The following STK38 variants were observed in gnomAD, a reference collection of about 807,000 sequenced individuals.
STK38 encodes the protein serine/threonine-protein kinase 38.
Under a neutral mutation model 59.0 loss-of-function variants are expected in STK38, and 26 were observed. The ratio of observed to expected loss-of-function variants is 0.44; its 90% CI spans 0.32 to 0.61. STK38 has a LOEUF of 0.61. Among genes scored for constraint, STK38 ranks in the 20% least tolerant of loss-of-function variants. STK38 has a pLI of 0.04. For missense variants in STK38, 433 were observed against 566.0 expected (o/e 0.76, Z 2.38); for synonymous variants, 175 against 176.6 (o/e 0.99, Z 0.07).
chr6:36,517,790 C>A lies in STK38; in HGVS notation c.441G>T (p.Leu147Phe), dbSNP rs1218236186. Reference protein sequence around the residue: ...ERDILVEADSLWVVKMFYSFQ... With the variant: ...ERDILVEADSFWVVKMFYSFQ... ...AACTATAGAACATTTTCACAACCCA[C>A]AAACTGTCTGCCTCCACTAGAATGT... The change falls in exon 6 of 14, where the codon TTG becomes TTT. Residue 147 changes from leucine (L) to phenylalanine (F), a missense_variant. By Grantham distance (22) the Leu-to-Phe change is conservative. Around this residue, in one of 3 missense-constraint regions of STK38, gnomAD observed 293 missense variants for 388.2 expected, o/e 0.75. Transcript: ENST00000229812. 2 of 1,614,180 alleles carry A rather than the reference C, an allele frequency of 1.2e-6. No individual in the cohort carries two copies. Among genetic ancestry groups the A allele is most frequent in the Non-Finnish European group, 1.7e-6 (2 of 1,180,020 alleles).
In STK38 at chr6:36,532,398, A is replaced by T. The variant is rs77032659; in HGVS notation, c.132-6756T>A. Reference sequence around the variant, plus strand: ...AGGTAACTCTTGTCAATCACTTTTTAAAAAATTTTCTAGGAACAATAAAGC... The same window carrying T: ...AGGTAACTCTTGTCAATCACTTTTTTAAAAATTTTCTAGGAACAATAAAGC... On this transcript the variant is annotated intron_variant, in intron 2 of 13. Transcript: ENST00000229812. Among the ~76,000 whole-genome samples, 1,012 of 152,142 alleles carry T rather than the reference A, an allele frequency of 6.7e-3. 9 individuals are homozygous for T. The highest frequency in any genetic ancestry group is 0.021 in the African/African-American group (890 of 41,500).
In STK38 at chr6:36,527,207, A is replaced by AAAT. The variant is rs60162863; in HGVS notation, c.132-1566_132-1565insATT. On this transcript the variant is annotated intron_variant, in intron 2 of 13. Transcript: ENST00000229812. ...ACTCCGTCTCAAAAAAAAAAAAAAA[A>AAAT]ATATATGTATATATATATATATTTA... 6.1e-3 allele frequency among the ~76,000 whole-genome samples: 730 copies of AAAT among 119,308 alleles called. 16 individuals carry two copies. Among genetic ancestry groups the AAAT allele is most frequent in the Non-Finnish European group, 6.8e-3 (420 of 61,882 alleles). 78.3% of individuals were successfully genotyped at this position (119,308 alleles called of 152,430 possible).
intron 7 of STK38, among the ~76,000 whole-genome samples, 200 bp downstream of exon 7, chr6:36,515,138 A>G (rs1777218205): frequency 6.6e-6 from 1 of 152,104 alleles, no homozygotes; most frequent in South Asian, 2.1e-4. Flanking sequence ...TTTTAAGAGA[A>G]ATGTTCAACC....
chr6:36,519,609 C>T (rs903442333), intron 5 of STK38, among the ~76,000 whole-genome samples: 7 of 152,110 alleles, frequency 4.6e-5, no homozygotes, highest in Admixed American at 2.6e-4. Context: ...AGCAAGAAAC[C>T]TCATGGTTTG....
chr6:36,497,938 CTTT>C (rs147832342), intron 11 of STK38, 63 bp from the exon 12 acceptor site: 46,591 of 642,152 alleles, frequency 0.073, 518 homozygotes, highest in Admixed American at 0.2. Context: ...GAAAAACTTT[CTTT>C]TTTTTTTTTT....
At chr6:36,539,125 C>T (rs1379265067) in intron 2 of STK38, among the ~76,000 whole-genome samples, 3 of 151,518 alleles carry the variant, frequency 2.0e-5, no homozygotes, top group African/African-American at 7.3e-5. Context: ...GTGGCTCATG[C>T]CTGTAATCCC....
chr6:36,522,687 G>A (rs939646932), intron 4 of STK38, among the ~76,000 whole-genome samples: 4 of 151,406 alleles, frequency 2.6e-5, no homozygotes, highest in Admixed American at 6.6e-5. Flanking sequence ...GTGAAACCCC[G>A]TCTACTAAAA....
intron 7 of STK38, among the ~76,000 whole-genome samples, chr6:36,508,747 T>C (rs530418022): frequency 6.6e-6 from 1 of 152,326 alleles, no homozygotes; most frequent in African/African-American, 2.4e-5. Context: ...TGGCAAGGCG[T>C]GTGTGAGTGA....
At chr6:36,536,079 G>A (rs1011793882) in intron 2 of STK38, among the ~76,000 whole-genome samples, 2 of 152,260 alleles carry the variant, frequency 1.3e-5, no homozygotes, top group African/African-American at 2.4e-5. Context: ...AGGTGAGACT[G>A]GCTAAGGACA....
chr6:36,539,301 G>A lies in STK38; in HGVS notation c.131+771C>T, dbSNP rs775484352. 1.9e-4 allele frequency among the ~76,000 whole-genome samples: 28 copies of A among 151,078 alleles called. No homozygotes were observed. The South Asian group carries it at 2.1e-3, about 11-fold the overall frequency. ...CTGAGGAGGCTGAGGCACGAGAACCGCTTGAACCCAGGAGGCAGAGGCTGC... is the reference window on the plus strand; with the variant it reads ...CTGAGGAGGCTGAGGCACGAGAACCACTTGAACCCAGGAGGCAGAGGCTGC... On this transcript the variant is annotated intron_variant, in intron 2 of 13. Transcript: ENST00000229812.
In STK38 at chr6:36,514,077, C is replaced by T. The variant is rs530345848; in HGVS notation, c.669+1261G>A. Among the ~76,000 whole-genome samples, 301 of 151,188 alleles carry T rather than the reference C, an allele frequency of 2.0e-3. 1 individual carries two copies. Among genetic ancestry groups the T allele is most frequent in the African/African-American group, 6.9e-3 (285 of 41,168 alleles). On this transcript the variant is annotated intron_variant, in intron 7 of 13. Coordinates refer to ENST00000229812, the MANE Select transcript of STK38 (RefSeq NM_007271.4). ...GGCTGAGGCAGGAGAATGGTGTGAA[C>T]CCGGGAGGCAGAGCTTGCAGTGAGC...
rs139134925 is a variant in STK38 at position 36,543,729 on chromosome 6, C to T, written c.-6+3461G>A. ...CAATCTCGGTGCACTGCAACCTCCG[C>T]CTCCTGGGTTCAAGCGATTCTCCTG... On this transcript the variant is annotated intron_variant, in intron 1 of 13. Transcript: ENST00000229812. Among the ~76,000 whole-genome samples the T allele has an allele frequency of 5.8e-3, 878 of 152,216 alleles. 8 individuals carry two copies. The highest frequency in any genetic ancestry group is 0.02 in the African/African-American group (833 of 41,520).
At chr6:36,504,949 GAAAGA>G (rs1257765315) in intron 9 of STK38, among the ~76,000 whole-genome samples, 1 of 105,576 alleles carries the variant, frequency 9.5e-6, no homozygotes, top group Non-Finnish European at 2.1e-5. Flanking sequence ...AGGAAAGAAA[GAAAGA>G]AAAGAAATCA....
chr6:36,539,637 A>G (rs1382937117), intron 2 of STK38, among the ~76,000 whole-genome samples: 1 of 152,160 alleles, frequency 6.6e-6, no homozygotes, highest in Non-Finnish European at 1.5e-5. Flanking sequence ...AGCTTCATAC[A>G]GCTATTCAAT....
chr6:36,527,256 A>G (rs57646047), intron 2 of STK38, among the ~76,000 whole-genome samples: 29,794 of 138,976 alleles, frequency 0.21, 3,600 homozygotes, highest in East Asian at 0.35. Context: ...ATGTATACAT[A>G]TGTATATATG....
chr6:36,509,321 G>C (rs1231300833), intron 7 of STK38, among the ~76,000 whole-genome samples: 1 of 152,206 alleles, frequency 6.6e-6, no homozygotes, highest in Non-Finnish European at 1.5e-5. Context: ...AAAAGACCCA[G>C]AGTGGGTACC....
At chr6:36,539,970 G>C (rs1296078354) in intron 2 of STK38, 102 bp downstream of exon 2, 1 of 1,536,658 alleles carries the variant, frequency 6.5e-7, no homozygotes, top group Non-Finnish European at 8.8e-7. Flanking sequence ...TCTATAATAA[G>C]GCTGCTACTA....
chr6:36,499,082 A>G (rs1333447447), intron 10 of STK38, among the ~76,000 whole-genome samples: 3 of 152,228 alleles, frequency 2.0e-5, no homozygotes, highest in Non-Finnish European at 4.4e-5. Context: ...CTGGGAAAAG[A>G]AAGGAGGACA....
chr6:36,535,292 T>C (rs746331392), intron 2 of STK38, among the ~76,000 whole-genome samples: 6 of 151,550 alleles, frequency 4.0e-5, no homozygotes, highest in Non-Finnish European at 5.9e-5. Flanking sequence ...CTATTAAAAA[T>C]ACAAAAAATT....
Sources: allele counts gnomAD v4.1 joint callset (sites outside exome capture counted in the v4.1 genomes callset), GRCh38; gene constraint gnomAD v4.1.1; regional missense constraint gnomAD v4.1.1; transcripts MANE v1.5; gene names NCBI Gene and HGNC (gene_info 2026-07-23, HGNC 2026-07-21).